ERMARD: variants seen among roughly 807,000 people sequenced by gnomAD.
The protein encoded by ERMARD is endoplasmic reticulum membrane-associated RNA degradation protein.
Under a neutral mutation model 83.9 loss-of-function variants are expected in ERMARD, and 71 were observed. That is an observed-to-expected ratio of 0.85 (90% CI 0.70 to 1.03). ERMARD has a LOEUF of 1.03. Ranked by LOEUF, ERMARD falls within the 50% of genes least tolerant of loss-of-function variation. The probability of loss-of-function intolerance (pLI) is 0.00; values close to 1 mark genes in which losing one functional copy is unlikely to be tolerated. For synonymous variants in ERMARD, 284 were observed against 298.6 expected, an observed-to-expected ratio of 0.95 and a Z score of 0.50; for missense variants, 838 against 810.9, an observed-to-expected ratio of 1.03 and a Z score of -0.41.
Position 169,755,394 on chromosome 6 carries a change from C to G in ERMARD, c.287C>G (p.Pro96Arg). 6.2e-7 allele frequency: 1 copy of G among 1,614,096 alleles called. No individual in the cohort carries two copies. Among genetic ancestry groups the G allele is most frequent in the South Asian group, 1.1e-5 (1 of 91,074 alleles). The change falls in exon 3 of 18, where the codon CCG becomes CGG. Residue 96 changes from proline to arginine, a missense_variant. Physicochemically the swap from Pro to Arg is moderately radical, Grantham distance 103. Transcript: ENST00000366773. ...TKGQFEIRYA[P>R]WFQWTSFPEL... ...GGGCAATTTGAAATTCGATATGCAC[C>G]GTGGTTCCAGTGGACAAGTTTTCCA...
At chr6:169,755,606 C>A (rs1585344132) in intron 3 of ERMARD, 184 bp downstream of exon 3, 1 of 631,758 alleles carries the variant, frequency 1.6e-6, no homozygotes, top group Non-Finnish European at 2.6e-6. Context: ...GAGAAACATG[C>A]CCCTTGGAAC....
rs1563009799 is a variant in ERMARD, at chr6:169,756,427, A to G, written c.405A>G (p.Arg135=). 1.2e-6 allele frequency: 2 copies of G among 1,606,920 alleles called. No homozygotes were observed. The highest frequency in any genetic ancestry group is 1.7e-5 in the Admixed American group (1 of 58,746). ...TGAAACTGACATCGTGTCTAGAACG[A>G]GCCTTGGGTGATGTAAGTGTGAGAA... ...SLMKLTSCLE[R]ALGDVFLLIG... is the part of the protein sequence containing the mutation. Residue 135 remains arginine (R), a synonymous_variant, in exon 4 of 18, where the codon CGA becomes CGG. Transcript: ENST00000366773.
rs75010164 is a variant in ERMARD at position 169,760,335 on chromosome 6, G to A, written c.743-307G>A. Among the ~76,000 whole-genome samples the A allele has an allele frequency of 0.014, 2,138 of 152,260 alleles. 53 individuals carry two copies. The highest frequency in any genetic ancestry group is 0.049 in the African/African-American group (2,019 of 41,534). Reference sequence around the variant, plus strand: ...GATCATTATGCCAGAAATACTTGTAGTAATATCAAGGGTCTTTTACACCTT... The same window carrying A: ...GATCATTATGCCAGAAATACTTGTAATAATATCAAGGGTCTTTTACACCTT... On this transcript the variant is annotated intron_variant, in intron 7 of 17. Coordinates refer to ENST00000366773, the MANE Select transcript of ERMARD (RefSeq NM_018341.3).
intron 2 of ERMARD, among the ~76,000 whole-genome samples, chr6:169,754,547 G>T (rs1790553873): frequency 6.6e-6 from 1 of 152,122 alleles, no homozygotes; most frequent in Non-Finnish European, 1.5e-5. Context: ...TGTGTGCAAG[G>T]TTATTCCTTG....
chr6:169,766,531 C>A, intron 9 of ERMARD, 107 bp from the exon 10 acceptor site: 1 of 783,544 alleles, frequency 1.3e-6, no homozygotes, highest in Non-Finnish European at 2.0e-6. Context: ...TAACAAAAAA[C>A]TTTGGGATGT....
chr6:169,769,803 C>A, intron 12 of ERMARD, 90 bp downstream of exon 12: 1 of 1,217,088 alleles, frequency 8.2e-7, no homozygotes, highest in Non-Finnish European at 1.1e-6. Flanking sequence ...AACTGTTAAT[C>A]ATCTTTTAAT....
intron 5 of ERMARD, among the ~76,000 whole-genome samples, chr6:169,757,114 C>G (rs1401484211): frequency 6.6e-6 from 1 of 152,202 alleles, no homozygotes; most frequent in East Asian, 1.9e-4. Context: ...CCCCCTGCGT[C>G]CCTCCCACAA....
intron 2 of ERMARD, 122 bp downstream of exon 2, chr6:169,754,154 A>G: frequency 2.3e-6 from 2 of 862,316 alleles, no homozygotes; most frequent in Non-Finnish European, 3.4e-6. Flanking sequence ...TACAGGCCTA[A>G]CTCCAAGGAG....
In ERMARD at chr6:169,767,756, T is replaced by TACACACACAC. The variant is rs59747825; in HGVS notation, c.991-331_991-322dup. 231 of 259,600 alleles carry TACACACACAC rather than the reference T, an allele frequency of 8.9e-4. 1 individual carries two copies. The highest frequency in any genetic ancestry group is 4.2e-3 in the African/African-American group (185 of 43,690). 16.1% of individuals were successfully genotyped at this position (259,600 alleles called of 1,614,324 possible). A position where few individuals can be genotyped will look rare whatever the true frequency, so the allele number is the denominator to read the frequency against. The stretch of plus-strand genomic sequence containing the variant: ...CATACACACATGCAGGCACATACAC[T>TACACACACAC]ACACACACACACACACACACACACA... On this transcript the variant is annotated intron_variant, in intron 10 of 17. Transcript: ENST00000366773.
chr6:169,776,487 C>T lies in ERMARD; in HGVS notation c.1553C>T (p.Thr518Ile). The change falls in exon 16 of 18, where the codon ACA (threonine) becomes ATA (isoleucine). Residue 518 changes from threonine to isoleucine, a missense_variant. Physicochemically the swap from Thr to Ile is moderately conservative, Grantham distance 89 (BLOSUM62 -1). Transcript: ENST00000366773. ...CAGCTTCTCCGTGAGCTCTGCAGCACACCTGTTCCCACCCTGTTCTGCCCC... is the reference window on the plus strand; with the variant it reads ...CAGCTTCTCCGTGAGCTCTGCAGCATACCTGTTCCCACCCTGTTCTGCCCC... ...WPQLLRELCSTPVPTLFCPRI... is the reference protein window; with the variant it reads ...WPQLLRELCSIPVPTLFCPRI... 6.2e-7 allele frequency: 1 copy of T among 1,614,136 alleles called. No individual in the cohort carries two copies. Among genetic ancestry groups the T allele is most frequent in the South Asian group, 1.1e-5 (1 of 91,050 alleles).
intron 16 of ERMARD, among the ~76,000 whole-genome samples, chr6:169,777,653 A>G (rs1345515188): frequency 6.6e-6 from 1 of 152,212 alleles, no homozygotes; most frequent in Non-Finnish European, 1.5e-5. Context: ...TTTAATAAAG[A>G]TGAATTAAAA....
chr6:169,752,911 C>G (rs796350336), intron 1 of ERMARD: 14 of 152,248 alleles, frequency 9.2e-5, no homozygotes, highest in African/African-American at 3.4e-4. Flanking sequence ...ACCCCTTTAA[C>G]AAATGAAAGG....
Position 169,762,466 on chromosome 6 carries a change from G to C in ERMARD, c.895G>C (p.Glu299Gln). The C allele has an allele frequency of 1.9e-6, 3 of 1,614,176 alleles. No homozygotes were observed. Among genetic ancestry groups the C allele is most frequent in the African/African-American group, 1.3e-5 (1 of 75,048 alleles). Residue 299 changes from glutamate to glutamine, a missense_variant, in exon 9 of 18, where the codon GAG becomes CAG. Physicochemically the swap from Glu to Gln is conservative, Grantham distance 29. Coordinates refer to ENST00000366773, the MANE Select transcript of ERMARD (RefSeq NM_018341.3). ...CGCCATATTGTTGCTGACACAACTG[G>C]AGACTGGACTTAGGAATGTTTTTGC... ...DCAILLLTQL[E>Q]TGLRNVFATL... is the part of the protein sequence containing the mutation.
chr6:169,780,566 T>C (rs1360408991), intron 17 of ERMARD, among the ~76,000 whole-genome samples: 5 of 152,194 alleles, frequency 3.3e-5, no homozygotes, highest in East Asian at 1.9e-4. Context: ...GCAACAGCTG[T>C]CTCAGTGGCA....
intron 3 of ERMARD, 125 bp from the exon 4 acceptor site, chr6:169,756,209 TTTAC>T (rs1478972971): frequency 2.1e-6 from 1 of 477,476 alleles, no homozygotes; most frequent in South Asian, 4.5e-5. Flanking sequence ...ACAGAAAATG[TTTAC>T]TTATTCACTG....
intron 3 of ERMARD, 187 bp downstream of exon 3, chr6:169,755,609 C>T (rs1790713177): frequency 3.2e-6 from 2 of 634,558 alleles, no homozygotes; most frequent in African/African-American, 3.7e-5. Context: ...AAACATGCCC[C>T]TTGGAACACA....
At chr6:169,778,344 TTCTA>T (rs1467244778) in intron 16 of ERMARD, among the ~76,000 whole-genome samples, 3 of 152,246 alleles carry the variant, frequency 2.0e-5, no homozygotes, top group South Asian at 2.1e-4. Flanking sequence ...GAAATGTGGG[TTCTA>T]TCTATCTAAA....
At chr6:169,773,074 C>A in intron 12 of ERMARD, 1 of 411,704 alleles carries the variant, frequency 2.4e-6, no homozygotes, top group Non-Finnish European at 4.3e-6. Flanking sequence ...CAGTTTTGTG[C>A]ACAGAGGGTG....
At position 169,756,747 on chromosome 6, in the gene ERMARD, CCTTT is replaced by C; in HGVS notation, c.451_454del (p.Leu151Ter). 6.2e-7 allele frequency: 1 copy of C among 1,613,946 alleles called. No homozygotes were observed. The highest frequency in any genetic ancestry group is 8.5e-7 in the Non-Finnish European group (1 of 1,180,000). ...TTTTTACTGATTGGGAAGGAATGCC[CCTTT>C]CTTTTAAGAGATCTGCTTTCATCTG... On this transcript the variant is annotated frameshift_variant, in exon 5 of 18. Transcript: ENST00000366773. LOFTEE classifies it high-confidence loss of function.
Sources: allele counts gnomAD v4.1 joint callset (sites outside exome capture counted in the v4.1 genomes callset), GRCh38; gene constraint gnomAD v4.1.1; transcripts MANE v1.5; gene names NCBI Gene and HGNC (gene_info 2026-07-23, HGNC 2026-07-21).